OSBPL3: variants seen among roughly 807,000 people sequenced by gnomAD.
OSBPL3 encodes the protein oxysterol binding protein like 3.
OSBPL3 carries 65 observed loss-of-function variants against 120.1 expected under a neutral mutation model. The ratio of observed to expected loss-of-function variants is 0.54; its 90% CI spans 0.44 to 0.67. The LOEUF (loss-of-function observed/expected upper bound fraction) is 0.67. OSBPL3 is among the 30% of genes least tolerant of loss of function. The pLI, the probability that OSBPL3 is intolerant of heterozygous loss-of-function variation, is 0.00. For missense variants in OSBPL3, 1,004 were observed against 1,082.1 expected (o/e 0.93, Z 1.01); for synonymous variants, 416 against 402.6 (o/e 1.03, Z -0.40).
chr7:24,949,153 C>A, intron 1 of OSBPL3, among the ~76,000 whole-genome samples: 1 of 152,168 alleles, frequency 6.6e-6, no homozygotes, highest in East Asian at 1.9e-4. Context: ...TTTGCTTATT[C>A]ACGTTAACAG....
Position 24,913,218 on chromosome 7 carries a change from C to T in OSBPL3, c.-149-20597G>A, listed in dbSNP as rs1012629491. On this transcript the variant is annotated intron_variant, in intron 1 of 22. Transcript: ENST00000313367. This position sits in a 1 kb window ranked among gnomAD's most constrained non-coding sequence, Gnocchi z 5.3. ...TATTGTCATTAACCTACCAGTTCAT[C>T]GTCATTGTCTCAATTTACCAAGTTT... Among the ~76,000 whole-genome samples the T allele has an allele frequency of 7.9e-5, 12 of 152,302 alleles. No individual in the cohort carries two copies. Among genetic ancestry groups the T allele is most frequent in the Non-Finnish European group, 1.5e-4 (10 of 68,026 alleles).
intron 1 of OSBPL3, among the ~76,000 whole-genome samples, chr7:24,948,102 T>G (rs1813954026): frequency 6.6e-6 from 1 of 152,052 alleles, no homozygotes. Context: ...CAAGGACACA[T>G]CACAGAGAAA....
rs780882225 is a variant in OSBPL3, at chr7:24,804,399, T to C, written c.2483A>G (p.Gln828Arg). The change falls in exon 22 of 23, where the codon CAA (glutamine) becomes CGA (arginine). Residue 828 changes from glutamine (Q) to arginine (R), a missense_variant. Gln to Arg is a conservative substitution (Grantham distance 43). Transcript: ENST00000313367. This position sits in a 1 kb window ranked among gnomAD's most constrained non-coding sequence, Gnocchi z 5.4. ...EEGNLEEAEI[Q>R]KQRIEQLQRE... Reference sequence around the variant, plus strand: ...CTGCAGTTGTTCAATCCTCTGCTTTTGTATTTCAGCTTCTTCTAAGTTCCC... The same window carrying C: ...CTGCAGTTGTTCAATCCTCTGCTTTCGTATTTCAGCTTCTTCTAAGTTCCC... The C allele has an allele frequency of 6.2e-7, 1 of 1,614,052 alleles. No individual in the cohort carries two copies. The highest frequency in any genetic ancestry group is 1.7e-5 in the Admixed American group (1 of 60,018).
intron 19 of OSBPL3, among the ~76,000 whole-genome samples, chr7:24,812,343 A>G (rs1219394753): frequency 1.3e-5 from 2 of 151,644 alleles, no homozygotes; most frequent in African/African-American, 4.8e-5. Flanking sequence ...ACAAGAAAAG[A>G]AAAGGTTCAG....
At chr7:24,875,994 A>G (rs955200042) in intron 2 of OSBPL3, among the ~76,000 whole-genome samples, 2 of 152,150 alleles carry the variant, frequency 1.3e-5, no homozygotes, top group Admixed American at 1.3e-4. Flanking sequence ...AAAGGCTTTA[A>G]TATTTTCTTG....
chr7:24,865,490 A>C (rs775919703), intron 6 of OSBPL3, 25 bp from the exon 7 acceptor site: 3 of 1,610,790 alleles, frequency 1.9e-6, no homozygotes, highest in South Asian at 2.2e-5. Context: ...ACAAAAGCAC[A>C]TTGTAAATGG....
At chr7:24,886,425 G>A in intron 2 of OSBPL3, among the ~76,000 whole-genome samples, 1 of 152,166 alleles carries the variant, frequency 6.6e-6, no homozygotes, top group Admixed American at 6.5e-5. Context: ...AAATCAATGG[G>A]GAAGCCCTTC....
rs1052511240 is a variant in OSBPL3 at position 24,835,196 on chromosome 7, CTTCAT to C, written c.1496-465_1496-461del. On this transcript the variant is annotated intron_variant, in intron 14 of 22. Transcript: ENST00000313367. The surrounding 1 kb of genome is among the most constrained non-coding windows in gnomAD (Gnocchi z 4.8). ...AGCAGCCATTTATATATTAGAGTAT[CTTCAT>C]TTCGTGTTTTCTCCATTTGTGTTGT... is the stretch of plus-strand genomic sequence containing the variant. Among the ~76,000 whole-genome samples the C allele has an allele frequency of 1.2e-4, 19 of 152,120 alleles. No individual in the cohort carries two copies. Among genetic ancestry groups the C allele is most frequent in the African/African-American group, 4.6e-4 (19 of 41,424 alleles).
chr7:24,909,794 T>C (rs1253499139), intron 1 of OSBPL3, among the ~76,000 whole-genome samples: 31 of 140,136 alleles, frequency 2.2e-4, no homozygotes, highest in African/African-American at 4.5e-4. Context: ...TTTTTTTTTT[T>C]TTTTTTTTTT....
intron 1 of OSBPL3, among the ~76,000 whole-genome samples, chr7:24,962,857 C>CA (rs1815946115): frequency 6.6e-6 from 1 of 152,188 alleles, no homozygotes; most frequent in Non-Finnish European, 1.5e-5. Context: ...CACTTGCAAA[C>CA]AAATGCCCTA....
chr7:24,834,882 G>A lies in OSBPL3; in HGVS notation c.1496-146C>T, dbSNP rs1417379751. 7 of 684,158 alleles carry A rather than the reference G, an allele frequency of 1.0e-5. No homozygotes were observed. The highest frequency in any genetic ancestry group is 6.0e-5 in the East Asian group (2 of 33,596). 42.4% of individuals were successfully genotyped at this position (684,158 alleles called of 1,614,324 possible). On this transcript the variant is annotated intron_variant, in intron 14 of 22. Coordinates refer to ENST00000313367, the MANE Select transcript of OSBPL3 (RefSeq NM_015550.4). The surrounding 1 kb of genome is among the most constrained non-coding windows in gnomAD (Gnocchi z 5.2). ...AGAGTATGGCTGAAGTCAGAAAACC[G>A]GCAAAAGAATTCTGAGCAATTAAAT...
intron 1 of OSBPL3, among the ~76,000 whole-genome samples, chr7:24,961,727 T>C (rs531820916): frequency 1.1e-4 from 16 of 152,294 alleles, no homozygotes; most frequent in South Asian, 6.2e-4. Context: ...CATTTTATTA[T>C]AGCAGTCTGA....
At chr7:24,920,949 T>C (rs1254120815) in intron 1 of OSBPL3, among the ~76,000 whole-genome samples, 1 of 152,204 alleles carries the variant, frequency 6.6e-6, no homozygotes. Context: ...TGAGAGGTTG[T>C]TGACAATTAT....
At chr7:24,876,889 T>C (rs1357457923) in intron 2 of OSBPL3, among the ~76,000 whole-genome samples, 1 of 152,232 alleles carries the variant, frequency 6.6e-6, no homozygotes, top group Non-Finnish European at 1.5e-5. Context: ...GTTGAAAGAA[T>C]AGAGCAACTA....
Position 24,849,181 on chromosome 7 carries a change from A to C in OSBPL3, c.1159-5T>G. 6.2e-7 allele frequency: 1 copy of C among 1,606,930 alleles called. No individual in the cohort carries two copies. Among genetic ancestry groups the C allele is most frequent in the Non-Finnish European group, 8.5e-7 (1 of 1,173,766 alleles). ...ATCTGTGTTTTGTGCTAGGGCCTGGAACATGTTAAAATAGTGGGGCTCTGT... is the reference window on the plus strand; with the variant it reads ...ATCTGTGTTTTGTGCTAGGGCCTGGCACATGTTAAAATAGTGGGGCTCTGT... On this transcript the variant is annotated splice_polypyrimidine_tract_variant and splice_region_variant and intron_variant, in intron 11 of 22. Transcript: ENST00000313367. The surrounding 1 kb of genome is among the most constrained non-coding windows in gnomAD (Gnocchi z 5.4).
Position 24,806,814 on chromosome 7 carries a change from T to C in OSBPL3, c.2406A>G (p.Leu802=), listed in dbSNP as rs373643417. The change falls in exon 21 of 23, where the codon TTA becomes TTG. Residue 802 remains leucine, a synonymous_variant. Coordinates refer to ENST00000313367, the MANE Select transcript of OSBPL3 (RefSeq NM_015550.4). This position sits in a 1 kb window ranked among gnomAD's most constrained non-coding sequence, Gnocchi z 5.2. ...TAAATCGAGTGTCAGTAGGTGGCAA[T>C]AAAGACTTTGATGATGGATCCATTT... ...LNEMDPSSKS[L]LPPTDTRFRP... 5.6e-6 allele frequency: 9 copies of C among 1,613,910 alleles called. No individual in the cohort carries two copies. The African/African-American group carries it at 1.1e-4, about 19-fold the overall frequency.
chr7:24,882,570 A>AC lies in OSBPL3; in HGVS notation c.96+9806dup, dbSNP rs1225067262. Among the ~76,000 whole-genome samples, 9 of 152,342 alleles carry AC rather than the reference A, an allele frequency of 5.9e-5. No homozygotes were observed. The East Asian group carries it at 7.7e-4, about 13-fold the overall frequency. On this transcript the variant is annotated intron_variant, in intron 2 of 22. Coordinates refer to ENST00000313367, the MANE Select transcript of OSBPL3 (RefSeq NM_015550.4). The stretch of plus-strand genomic sequence containing the variant: ...ATGCAATAAACATATGAGTGCAGGT[A>AC]CCTTTTAGATATATTTATTTCTTTT...
intron 22 of OSBPL3, among the ~76,000 whole-genome samples, chr7:24,801,811 A>T (rs1792396306): frequency 6.6e-6 from 1 of 150,390 alleles, no homozygotes; most frequent in South Asian, 2.1e-4. Flanking sequence ...TTATAGGAAA[A>T]GTTTGGTGAC....
intron 13 of OSBPL3, among the ~76,000 whole-genome samples, chr7:24,841,207 T>C (rs1489486226): frequency 6.6e-6 from 1 of 152,168 alleles, no homozygotes; most frequent in Non-Finnish European, 1.5e-5. Context: ...TACACACTGT[T>C]AACTATAATA....
Sources: gnomAD v4.1 joint callset for allele counts (sites outside exome capture counted in the v4.1 genomes callset) on GRCh38, gnomAD v4.1.1 for gene constraint, Gnocchi (gnomAD v3.1) non-coding constraint, MANE v1.5 for transcripts, NCBI Gene and HGNC (gene_info 2026-07-23, HGNC 2026-07-21) for gene names.